Variants in SOCS2 observed in about 807,000 individuals in gnomAD.
SOCS2 encodes suppressor of cytokine signaling 2.
In SOCS2, 10 loss-of-function variants were observed where a neutral mutation model predicts 18.6. The observed-to-expected ratio is 0.54, with a 90% CI of 0.33 to 0.91. The LOEUF (loss-of-function observed/expected upper bound fraction) is 0.91, where lower values mean the gene tolerates loss of function less well. Among genes scored for constraint, SOCS2 ranks in the 40% least tolerant of loss-of-function variants. The pLI is 0.02. For missense variants in SOCS2, 231 were observed against 247.2 expected, an observed-to-expected ratio of 0.93 and a Z score of 0.44; for synonymous variants, 104 against 104.0, an observed-to-expected ratio of 1.00 and a Z score of 0.00.
At chr12:93,572,465 T>G (rs1954289950), upstream of SOCS2, 3 of 362,964 alleles carry the variant, frequency 8.3e-6, no homozygotes, top group South Asian at 6.5e-5. This position sits in a 1 kb window ranked among gnomAD's most constrained non-coding sequence, Gnocchi z 5.0. Context: ...CCTCCTGACC[T>G]CCGCCCCCCA....
chr12:93,596,867 G>C, the SOCS2 span, among the ~76,000 whole-genome samples: 1 of 152,032 alleles, frequency 6.6e-6, no homozygotes, highest in Admixed American at 6.6e-5. Flanking sequence ...GGTTCTGCAG[G>C]CCTTTCTGCC....
At chr12:93,600,867 A>T in the SOCS2 span, among the ~76,000 whole-genome samples, 7 of 150,272 alleles carry the variant, frequency 4.7e-5, no homozygotes, top group Admixed American at 6.6e-5. Context: ...TGGCTCACTG[A>T]CGACTTAACC....
At chr12:93,623,786 C>G in the SOCS2 span, among the ~76,000 whole-genome samples, 5 of 152,116 alleles carry the variant, frequency 3.3e-5, no homozygotes, top group Non-Finnish European at 5.9e-5. Context: ...CTCACTGCAA[C>G]CTCCGCCTCC....
At chr12:93,593,059 C>G in the SOCS2 span, among the ~76,000 whole-genome samples, 1 of 151,780 alleles carries the variant, frequency 6.6e-6, no homozygotes, top group Non-Finnish European at 1.5e-5. Context: ...TTCCTGCCTT[C>G]TCTCTCCCCT....
the SOCS2 span, among the ~76,000 whole-genome samples, chr12:93,591,804 C>T: frequency 1.3e-5 from 2 of 152,162 alleles, no homozygotes; most frequent in Non-Finnish European, 2.9e-5. Context: ...GTATTGAGAG[C>T]AGACGGCTGG....
chr12:93,614,415 T>TTC, the SOCS2 span, among the ~76,000 whole-genome samples: 1 of 130,606 alleles, frequency 7.7e-6, no homozygotes, highest in African/African-American at 3.1e-5. Flanking sequence ...CTTTCTTTCT[T>TTC]TCTTCCTTTC....
At chr12:93,582,461 C>T (rs866067111) in intron 1 of SOCS2, among the ~76,000 whole-genome samples, 5 of 152,062 alleles carry the variant, frequency 3.3e-5, no homozygotes, top group African/African-American at 7.2e-5. Context: ...AGAGGGAGAC[C>T]GGTTAAGTGT....
In SOCS2 at chr12:93,574,992, G is replaced by T; in HGVS notation, c.410G>T (p.Arg137Leu). 2 of 1,614,044 alleles carry T rather than the reference G, an allele frequency of 1.2e-6. No homozygotes were observed. Among genetic ancestry groups the T allele is most frequent in the Non-Finnish European group, 1.7e-6 (2 of 1,179,992 alleles). The change falls in exon 2 of 2, where the codon CGG (arginine) becomes CTG (leucine). Residue 137 changes from arginine (R) to leucine (L), a missense_variant. Coordinates refer to ENST00000551556, the MANE Select transcript of SOCS2 (RefSeq NM_001270471.2). ...DYYVQMCKDK[R>L]TGPEAPRNGT... ...TATGTTCAGATGTGCAAGGATAAGC[G>T]GACAGGTCCAGAAGCCCCCCGGAAC...
chr12:93,585,472 G>T (rs1460132961), downstream of SOCS2, among the ~76,000 whole-genome samples: 1 of 152,118 alleles, frequency 6.6e-6, no homozygotes, highest in Non-Finnish European at 1.5e-5. Context: ...CCAACCATAA[G>T]GGGGCCAGGA....
At chr12:93,601,915 A>G in the SOCS2 span, among the ~76,000 whole-genome samples, 98 of 152,338 alleles carry the variant, frequency 6.4e-4, 1 homozygote, top group Admixed American at 2.1e-3. Flanking sequence ...TTAAAAATAT[A>G]TAGCAAAAGT....
Sources: gnomAD v4.1 joint callset for allele counts (sites outside exome capture counted in the v4.1 genomes callset) on GRCh38, gnomAD v4.1.1 for gene constraint, Gnocchi (gnomAD v3.1) non-coding constraint, MANE v1.5 for transcripts, NCBI Gene and HGNC (gene_info 2026-07-23, HGNC 2026-07-21) for gene names.